TTC6: variants seen among roughly 807,000 people sequenced by gnomAD.
TTC6 encodes tetratricopeptide repeat domain 6, also known as tetratricopeptide repeat protein 6.
TTC6 carries 172 observed loss-of-function variants against 210.4 expected under a neutral mutation model. The ratio of observed to expected loss-of-function variants is 0.82; its 90% confidence interval spans 0.72 to 0.93. The LOEUF (loss-of-function observed/expected upper bound fraction) is 0.93. Ranked by LOEUF, TTC6 falls within the 40% of genes least tolerant of loss-of-function variation. The pLI, the probability that TTC6 is intolerant of heterozygous loss-of-function variation, is 0.00. For synonymous variants in TTC6, 804 were observed against 819.6 expected (o/e 0.98, Z 0.32); for missense variants, 2,414 against 2,318.1 (o/e 1.04, Z -0.85).
chr14:37,654,831 C>G (rs567190191), intron 1 of TTC6, among the ~76,000 whole-genome samples: 1 of 152,084 alleles, frequency 6.6e-6, no homozygotes, highest in Admixed American at 6.5e-5. Context: ...CATAATAGCA[C>G]GCCCAGAATA....
At chr14:37,839,998 T>C (rs1016694359) in intron 29 of TTC6, among the ~76,000 whole-genome samples, 9 of 152,176 alleles carry the variant, frequency 5.9e-5, no homozygotes, top group Non-Finnish European at 1.2e-4. Flanking sequence ...TTCTGTTCCA[T>C]TGGTGTATAT....
intron 14 of TTC6, among the ~76,000 whole-genome samples, chr14:37,761,616 C>T (rs760735045): frequency 5.3e-5 from 8 of 151,102 alleles, no homozygotes; most frequent in Non-Finnish European, 1.0e-4. Flanking sequence ...TTTGTCTTTC[C>T]TGGGGGAAGA....
chr14:37,771,423 T>A (rs1411604522), intron 14 of TTC6, among the ~76,000 whole-genome samples: 1 of 152,192 alleles, frequency 6.6e-6, no homozygotes, highest in South Asian at 2.1e-4. Flanking sequence ...CCATTCTCCC[T>A]GTCACTTTCA....
chr14:37,725,312 G>GTGTATATA (rs1318506400), intron 7 of TTC6, among the ~76,000 whole-genome samples: 11 of 33,906 alleles, frequency 3.2e-4, no homozygotes, highest in Non-Finnish European at 5.6e-4. Context: ...GTGTGTGTGT[G>GTGTATATA]TATATATATA....
chr14:37,753,417 T>C (rs1489346349), intron 14 of TTC6, among the ~76,000 whole-genome samples, 182 bp downstream of exon 16: 1 of 152,246 alleles, frequency 6.6e-6, no homozygotes, highest in Non-Finnish European at 1.5e-5. Context: ...TTAATGGGCA[T>C]AAATGACAAT....
chr14:37,638,857 A>G (rs987560247), intron 1 of TTC6, among the ~76,000 whole-genome samples: 3 of 152,208 alleles, frequency 2.0e-5, no homozygotes, highest in African/African-American at 7.2e-5. Context: ...ATTCTTTATA[A>G]AAGTGTGTGC....
At chr14:37,779,649 C>A (rs2096048525) in intron 14 of TTC6, among the ~76,000 whole-genome samples, 1 of 152,104 alleles carries the variant, frequency 6.6e-6, no homozygotes, top group Non-Finnish European at 1.5e-5. Flanking sequence ...AAAATTATCC[C>A]AGCTTACAGC....
intron 1 of TTC6, among the ~76,000 whole-genome samples, chr14:37,636,314 A>C (rs2095680600): frequency 6.6e-6 from 1 of 152,194 alleles, no homozygotes; most frequent in Non-Finnish European, 1.5e-5. Context: ...CAACAGGAGA[A>C]TACACATTTT....
intron 14 of TTC6, among the ~76,000 whole-genome samples, chr14:37,777,267 C>T (rs2096040582): frequency 6.6e-6 from 1 of 151,956 alleles, no homozygotes; most frequent in Non-Finnish European, 1.5e-5. Flanking sequence ...GTACATAATC[C>T]CATATTTCTT....
rs2095711102 is a variant in TTC6 at position 37,651,400 on chromosome 14, TATATATATATATATATATATATATA to T, written c.939+28398_939+28422del. Among the ~76,000 whole-genome samples, 8 of 17,546 alleles carry T rather than the reference TATATATATATATATATATATATATA, an allele frequency of 4.6e-4. No homozygotes were observed. In the South Asian group the frequency reaches 0.011, roughly 25 times the overall value. The allele number at this position is 17,546 out of a possible 152,430, so 11.5% of individuals were successfully genotyped here. On this transcript the variant is annotated intron_variant, in intron 1 of 30. Transcript: ENST00000553443. ...GCACTGTTTATGTTATATATATATATATATATATATATATATATATATATATTTTTTTTTTTTTTTTTTTTTTTTT... is the reference window on the plus strand; with the variant it reads ...GCACTGTTTATGTTATATATATATATTTTTTTTTTTTTTTTTTTTTTTTTT...
chr14:37,841,015 C>T (rs1268816857), intron 29 of TTC6, among the ~76,000 whole-genome samples: 1 of 151,960 alleles, frequency 6.6e-6, no homozygotes, highest in Non-Finnish European at 1.5e-5. Flanking sequence ...ATTACAGGTG[C>T]CTGCCACCAT....
exon 27 of TTC6, chr14:37,823,878 C>T (rs2096164022): frequency 6.2e-7 from 1 of 1,613,952 alleles, no homozygotes; most frequent in African/African-American, 1.3e-5. Flanking sequence ...ACCAAGCAAG[C>T]ACAGAAAGAC....
chr14:37,822,194 G>C lies in TTC6; in HGVS notation c.4764-1553G>C, dbSNP rs764267947. Among the ~76,000 whole-genome samples, 3 of 152,214 alleles carry C rather than the reference G, an allele frequency of 2.0e-5. No homozygotes were observed. In the South Asian group the frequency reaches 6.2e-4, roughly 32 times the overall value. Reference sequence around the variant, plus strand: ...ATTTTAGCTTATTATTTTATTTATGGCATGAGATAATTTTTCAACTTATGG... The same window carrying C: ...ATTTTAGCTTATTATTTTATTTATGCCATGAGATAATTTTTCAACTTATGG... On this transcript the variant is annotated intron_variant, in intron 26 of 30. Transcript: ENST00000553443.
At chr14:37,682,852 T>C in exon 3 of TTC6, 1 of 1,535,632 alleles carries the variant, frequency 6.5e-7, no homozygotes. Flanking sequence ...GAAAGCATAG[T>C]ATTTAAACCT....
chr14:37,811,285 TG>T (rs1193566556), intron 24 of TTC6, among the ~76,000 whole-genome samples: 1 of 152,222 alleles, frequency 6.6e-6, no homozygotes, highest in African/African-American at 2.4e-5. Context: ...ATTCTAGGTT[TG>T]GTTTTTTCTT....
At position 37,735,822 on chromosome 14, in the gene TTC6, T is replaced by G. The variant is rs1570399; in HGVS notation, c.1819-99T>G. 4.2e-4 allele frequency: 265 copies of G among 633,996 alleles called. No individual in the cohort carries two copies. In the African/African-American group the frequency reaches 4.7e-3, roughly 11 times the overall value. 39.3% of individuals were successfully genotyped at this position (633,996 alleles called of 1,614,324 possible). A position where few individuals can be genotyped will look rare whatever the true frequency, so the allele number is the denominator to read the frequency against. On this transcript the variant is annotated intron_variant, in intron 7 of 30. Transcript: ENST00000553443. ...CTACTTTCATATGTTTTCTCTTTGGTTCTTTTGTTAATAATGTTGTACTAT... is the reference window on the plus strand; with the variant it reads ...CTACTTTCATATGTTTTCTCTTTGGGTCTTTTGTTAATAATGTTGTACTAT...
intron 15 of TTC6, among the ~76,000 whole-genome samples, chr14:37,788,036 G>T (rs1255788725): frequency 2.6e-5 from 4 of 151,938 alleles, no homozygotes; most frequent in Non-Finnish European, 4.4e-5. Context: ...TTGCTAAAAT[G>T]GCAGTAAACT....
At chr14:37,783,460 T>A (rs1229323059) in intron 14 of TTC6, among the ~76,000 whole-genome samples, 1 of 152,232 alleles carries the variant, frequency 6.6e-6, no homozygotes, top group Non-Finnish European at 1.5e-5. Flanking sequence ...TGTATCTCTG[T>A]GGGATTGGTG....
chr14:37,710,373 C>T (rs1251241634), intron 5 of TTC6, among the ~76,000 whole-genome samples: 1 of 152,086 alleles, frequency 6.6e-6, no homozygotes, highest in African/African-American at 2.4e-5. Flanking sequence ...AGAGTACTCA[C>T]AGCTTAGAAC....
Sources: allele counts gnomAD v4.1 joint callset (sites outside exome capture counted in the v4.1 genomes callset), GRCh38; gene constraint gnomAD v4.1.1; transcripts MANE v1.5; gene names NCBI Gene and HGNC (gene_info 2026-07-23, HGNC 2026-07-21).